ROBO2: variants seen among roughly 807,000 people sequenced by gnomAD.
ROBO2 encodes the protein roundabout guidance receptor 2.
In ROBO2, 53 loss-of-function variants were observed where a neutral mutation model predicts 160.8. The ratio of observed to expected loss-of-function variants is 0.33; its 90% CI spans 0.26 to 0.41. ROBO2 has a LOEUF of 0.41. Among genes scored for constraint, ROBO2 ranks in the 10% least tolerant of loss-of-function variants. ROBO2 has a pLI of 1.00. For missense variants in ROBO2, 1,577 were observed against 1,722.4 expected, an observed-to-expected ratio of 0.92 and a Z score of 1.49; for synonymous variants, 664 against 611.7, an observed-to-expected ratio of 1.09 and a Z score of -1.26.
At chr3:77,399,159 G>C (rs975699546) in intron 2 of ROBO2, among the ~76,000 whole-genome samples, 1 of 151,910 alleles carries the variant, frequency 6.6e-6, no homozygotes, top group African/African-American at 2.4e-5. Context: ...AAAATACTTG[G>C]GGCAGTAAAT....
intron 23 of ROBO2, among the ~76,000 whole-genome samples, chr3:77,623,851 ACAGT>A (rs2094950494): frequency 6.6e-6 from 1 of 152,200 alleles, no homozygotes; most frequent in African/African-American, 2.4e-5. Context: ...ATGATGAAAA[ACAGT>A]CAGCTATAGT....
intron 2 of ROBO2, among the ~76,000 whole-genome samples, chr3:77,103,090 A>G (rs925679800): frequency 6.6e-6 from 1 of 152,014 alleles, no homozygotes; most frequent in Non-Finnish European, 1.5e-5. Flanking sequence ...CTGTTTATGG[A>G]GCAGAAGGAG....
At chr3:76,757,343 A>C (rs1328904419) in intron 2 of ROBO2, among the ~76,000 whole-genome samples, 1 of 151,874 alleles carries the variant, frequency 6.6e-6, no homozygotes, top group Non-Finnish European at 1.5e-5. Context: ...GTACATCCAA[A>C]ATAAAGAGAG....
intron 2 of ROBO2, among the ~76,000 whole-genome samples, chr3:76,851,102 A>G (rs1353425060): frequency 6.6e-6 from 1 of 152,174 alleles, no homozygotes; most frequent in African/African-American, 2.4e-5. Flanking sequence ...TTGTGCATGT[A>G]ACTCATTCAT....
At chr3:76,642,173 C>G (rs2090713000) in intron 2 of ROBO2, among the ~76,000 whole-genome samples, 2 of 152,082 alleles carry the variant, frequency 1.3e-5, no homozygotes, top group South Asian at 2.1e-4. Flanking sequence ...TAGCATCACT[C>G]TCTTTTACCA....
At chr3:77,256,136 A>C (rs1011245923) in intron 2 of ROBO2, among the ~76,000 whole-genome samples, 2 of 152,188 alleles carry the variant, frequency 1.3e-5, no homozygotes, top group East Asian at 3.9e-4. Context: ...ATTTGTTTTT[A>C]GGTGTCAGTG....
At chr3:77,360,988 T>A (rs1279717599) in intron 2 of ROBO2, among the ~76,000 whole-genome samples, 1 of 152,190 alleles carries the variant, frequency 6.6e-6, no homozygotes, top group Non-Finnish European at 1.5e-5. Context: ...TATGACTTTT[T>A]AAATTGCATA....
At chr3:77,501,119 T>C (rs2087538309) in intron 5 of ROBO2, among the ~76,000 whole-genome samples, 1 of 152,140 alleles carries the variant, frequency 6.6e-6, no homozygotes, top group Admixed American at 6.5e-5. Context: ...GTGTGGTTGT[T>C]AGAGCATTCA....
intron 5 of ROBO2, among the ~76,000 whole-genome samples, chr3:77,493,944 A>G (rs929780106): frequency 6.6e-6 from 1 of 152,116 alleles, no homozygotes; most frequent in African/African-American, 2.4e-5. Context: ...CTCTTCATGG[A>G]GACCTTCTCT....
chr3:76,272,855 A>T (rs1245112123), intron 2 of ROBO2, among the ~76,000 whole-genome samples: 1 of 87,126 alleles, frequency 1.1e-5, no homozygotes, highest in African/African-American at 4.9e-5. Context: ...TATTATATAT[A>T]AAATATATAA....
intron 24 of ROBO2, 43 bp downstream of exon 26, chr3:77,642,986 T>C (rs1348471829): frequency 2.2e-6 from 1 of 447,324 alleles, no homozygotes; most frequent in Admixed American, 2.4e-5. Context: ...CTGTTACCAT[T>C]TCTTTTCCTA....
chr3:77,273,321 C>T (rs1436154811), intron 2 of ROBO2, among the ~76,000 whole-genome samples: 1 of 152,150 alleles, frequency 6.6e-6, no homozygotes. Flanking sequence ...GAACAGAAAA[C>T]TAAATGCCAC....
intron 2 of ROBO2, among the ~76,000 whole-genome samples, chr3:76,431,222 C>G (rs900599904): frequency 6.6e-6 from 1 of 151,472 alleles, no homozygotes; most frequent in Non-Finnish European, 1.5e-5. Flanking sequence ...AACACAATGG[C>G]CTTTTATTTG....
intron 2 of ROBO2, among the ~76,000 whole-genome samples, chr3:77,232,214 A>G (rs1024087911): frequency 3.0e-4 from 45 of 152,250 alleles, no homozygotes; most frequent in African/African-American, 1.0e-3. Flanking sequence ...CATAAATAAT[A>G]TAATTTAAGT....
At chr3:76,758,163 A>G (rs2108330651) in intron 2 of ROBO2, among the ~76,000 whole-genome samples, 1 of 152,004 alleles carries the variant, frequency 6.6e-6, no homozygotes, top group Non-Finnish European at 1.5e-5. Context: ...AAGCATCTAA[A>G]ACATGCATTG....
intron 2 of ROBO2, among the ~76,000 whole-genome samples, chr3:76,890,222 G>A (rs868104179): frequency 2.0e-4 from 18 of 92,196 alleles, no homozygotes; most frequent in Admixed American, 8.6e-4. Context: ...TTTACATATC[G>A]TATGCTATTT....
At chr3:76,412,355 G>C (rs914247457) in intron 2 of ROBO2, among the ~76,000 whole-genome samples, 13 of 152,142 alleles carry the variant, frequency 8.5e-5, no homozygotes, top group African/African-American at 3.1e-4. Flanking sequence ...CAAATCTCAT[G>C]TCCTCACATT....
At chr3:76,859,158 G>A (rs980604964) in intron 2 of ROBO2, among the ~76,000 whole-genome samples, 4 of 152,134 alleles carry the variant, frequency 2.6e-5, no homozygotes, top group African/African-American at 9.7e-5. Flanking sequence ...TTGCCAGAGG[G>A]AGAGCAAAAG....
Position 76,151,734 on chromosome 3 carries a change from C to T in ROBO2, c.109+214132C>T, listed in dbSNP as rs145924541. 1.9e-3 allele frequency among the ~76,000 whole-genome samples: 287 copies of T among 152,218 alleles called. 3 individuals carry two copies. The highest frequency in any genetic ancestry group is 6.8e-3 in the South Asian group (33 of 4,828). On this transcript the variant is annotated intron_variant, in intron 2 of 26. Coordinates refer to the ROBO2 transcript ENST00000487694. The stretch of plus-strand genomic sequence containing the variant: ...GATCCATTTTCCAAACACTTGATTA[C>T]GTCTTTTACTGAACTCAAGAGAGGG...
Sources: gnomAD v4.1 joint callset for allele counts (sites outside exome capture counted in the v4.1 genomes callset) on GRCh38, gnomAD v4.1.1 for gene constraint, MANE v1.5 for transcripts, NCBI Gene and HGNC (gene_info 2026-07-23, HGNC 2026-07-21) for gene names.